ELMOD1: variants seen among roughly 807,000 people sequenced by gnomAD.
ELMOD1 encodes the protein ELMO domain containing 1, also known as ELMO domain-containing protein 1.
ELMOD1 carries 21 observed loss-of-function variants against 46.7 expected under a neutral mutation model. The observed-to-expected ratio is 0.45, with a 90% CI of 0.32 to 0.65. The LOEUF (loss-of-function observed/expected upper bound fraction) is 0.65. ELMOD1 is among the 30% of genes least tolerant of loss of function. ELMOD1 has a pLI of 0.04. For missense variants in ELMOD1, 348 were observed against 407.8 expected, an observed-to-expected ratio of 0.85 and a Z score of 1.26; for synonymous variants, 122 against 138.2, an observed-to-expected ratio of 0.88 and a Z score of 0.82.
chr11:107,602,967 A>G (rs536368385), intron 1 of ELMOD1, among the ~76,000 whole-genome samples: 20 of 152,242 alleles, frequency 1.3e-4, no homozygotes, highest in Admixed American at 3.3e-4. Flanking sequence ...CTCCTCTAAT[A>G]TCCTACCTGA....
chr11:107,625,494 G>A, intron 2 of ELMOD1: 2 of 985,404 alleles, frequency 2.0e-6, no homozygotes, highest in South Asian at 4.7e-5. Context: ...AGACGTCAGA[G>A]TCACAAATTT....
intron 1 of ELMOD1, among the ~76,000 whole-genome samples, chr11:107,604,645 T>C (rs11212297): frequency 0.39 from 59,562 of 152,068 alleles, 12,791 homozygotes; most frequent in East Asian, 0.72. Flanking sequence ...CTACCATTGA[T>C]GGCACTGATG....
intron 7 of ELMOD1, among the ~76,000 whole-genome samples, chr11:107,648,615 T>C (rs1366925935): frequency 6.6e-6 from 1 of 152,246 alleles, no homozygotes; most frequent in Non-Finnish European, 1.5e-5. Flanking sequence ...CCTATAATTG[T>C]TAGCTGGAAT....
intron 2 of ELMOD1, among the ~76,000 whole-genome samples, chr11:107,628,010 T>C (rs1240015343): frequency 6.6e-6 from 1 of 152,106 alleles, no homozygotes; most frequent in Non-Finnish European, 1.5e-5. Flanking sequence ...AATATGTTAA[T>C]GTATATACAT....
chr11:107,591,697 C>A (rs1865395451), intron 1 of ELMOD1: 10 of 368,260 alleles, frequency 2.7e-5, no homozygotes, highest in South Asian at 8.3e-5. Flanking sequence ...TCGGCCCGGG[C>A]GTAGGTCGCC....
At chr11:107,630,653 T>G in intron 3 of ELMOD1, 47 bp from the exon 4 acceptor site, 1 of 1,603,936 alleles carries the variant, frequency 6.2e-7, no homozygotes. Flanking sequence ...CTAAACCATG[T>G]GTAAAGGATA....
intron 1 of ELMOD1, among the ~76,000 whole-genome samples, chr11:107,609,295 G>C (rs538763426): frequency 6.6e-6 from 1 of 151,756 alleles, no homozygotes; most frequent in South Asian, 2.1e-4. Context: ...ATTAAACTGG[G>C]GTAATCTCAA....
At chr11:107,611,576 G>A (rs764581784) in intron 1 of ELMOD1, among the ~76,000 whole-genome samples, 6 of 151,708 alleles carry the variant, frequency 4.0e-5, no homozygotes, top group Non-Finnish European at 7.4e-5. Flanking sequence ...GTGGTGGCAG[G>A]TGCCTGTAGT....
intron 9 of ELMOD1, chr11:107,653,909 T>C (rs1280373342): frequency 2.3e-6 from 1 of 442,214 alleles, no homozygotes; most frequent in South Asian, 4.2e-5. Context: ...TCATTAATGA[T>C]AGTGCAAAAG....
At chr11:107,612,912 C>G (rs539959448) in intron 1 of ELMOD1, among the ~76,000 whole-genome samples, 3 of 152,248 alleles carry the variant, frequency 2.0e-5, no homozygotes, top group Admixed American at 6.5e-5. Context: ...TTTGGTGTTT[C>G]CTGTTTGGGG....
At chr11:107,662,237 G>GAA (rs1426798182) in intron 11 of ELMOD1, among the ~76,000 whole-genome samples, 13 of 152,148 alleles carry the variant, frequency 8.5e-5, no homozygotes, top group Non-Finnish European at 1.6e-4. Context: ...TCAAACTCCT[G>GAA]GGCTCAAGTG....
chr11:107,608,572 T>A (rs1334120563), intron 1 of ELMOD1, among the ~76,000 whole-genome samples: 1 of 152,212 alleles, frequency 6.6e-6, no homozygotes, highest in East Asian at 1.9e-4. Flanking sequence ...GGGATATTTT[T>A]ACTTTTAGTT....
intron 1 of ELMOD1, chr11:107,592,008 T>C (rs769799383): frequency 5.9e-6 from 3 of 507,616 alleles, no homozygotes; most frequent in East Asian, 1.1e-4. Flanking sequence ...GCAGGTAGAA[T>C]TGGACAGCCG....
At chr11:107,633,410 C>T (rs912272116) in intron 5 of ELMOD1, among the ~76,000 whole-genome samples, 41 of 152,178 alleles carry the variant, frequency 2.7e-4, no homozygotes, top group South Asian at 1.9e-3. Flanking sequence ...CTAAAAATTA[C>T]GACAGAGAAA....
intron 1 of ELMOD1, among the ~76,000 whole-genome samples, chr11:107,596,752 A>G (rs1309551104): frequency 1.3e-5 from 2 of 152,178 alleles, no homozygotes; most frequent in African/African-American, 2.4e-5. Flanking sequence ...ATGTAGCCCA[A>G]TATGTGAATC....
chr11:107,612,802 T>C (rs1418033144), intron 1 of ELMOD1, among the ~76,000 whole-genome samples: 2 of 152,232 alleles, frequency 1.3e-5, no homozygotes. Flanking sequence ...TAATTTTTCA[T>C]TTTCTATATA....
rs558916544 is a variant in ELMOD1, at chr11:107,619,079, A to T, written c.17+873A>T. Among the ~76,000 whole-genome samples the T allele has an allele frequency of 5.3e-5, 8 of 152,190 alleles. No individual in the cohort carries two copies. In the East Asian group the frequency reaches 1.5e-3, roughly 29 times the overall value. On this transcript the variant is annotated intron_variant, in intron 2 of 11. Coordinates refer to ENST00000265840, the MANE Select transcript of ELMOD1 (RefSeq NM_018712.4). Reference sequence around the variant, plus strand: ...CTTGCATCTTTTAAGAAATGATTTGATTCCTACAATGGCCATAATTTAAGA... The same window carrying T: ...CTTGCATCTTTTAAGAAATGATTTGTTTCCTACAATGGCCATAATTTAAGA...
chr11:107,651,663 C>T (rs1261326121), intron 9 of ELMOD1, among the ~76,000 whole-genome samples: 2 of 152,102 alleles, frequency 1.3e-5, no homozygotes, highest in East Asian at 1.9e-4. Context: ...TAAAATCAAG[C>T]GATATTAATT....
intron 6 of ELMOD1, among the ~76,000 whole-genome samples, chr11:107,646,392 C>A (rs1451341033): frequency 6.6e-6 from 1 of 152,078 alleles, no homozygotes; most frequent in Non-Finnish European, 1.5e-5. Flanking sequence ...TTCCTTCCTC[C>A]AGCTACATGA....
Sources: allele counts gnomAD v4.1 joint callset (sites outside exome capture counted in the v4.1 genomes callset), GRCh38; gene constraint gnomAD v4.1.1; transcripts MANE v1.5; gene names NCBI Gene and HGNC (gene_info 2026-07-23, HGNC 2026-07-21).